The following TM4SF18 variants were observed in gnomAD, a reference collection of about 807,000 sequenced individuals.
The protein encoded by TM4SF18 is transmembrane 4 L6 family member 18.
TM4SF18 carries 22 observed loss-of-function variants against 23.8 expected under a neutral mutation model. The ratio of observed to expected loss-of-function variants is 0.92; its 90% CI spans 0.66 to 1.32. The LOEUF is 1.32. TM4SF18 is among the 40% of genes most tolerant of loss of function. The pLI, the probability that TM4SF18 is intolerant of heterozygous loss-of-function variation, is 0.00. For missense variants in TM4SF18, 255 were observed against 240.3 expected, an observed-to-expected ratio of 1.06 and a Z score of -0.41; for synonymous variants, 87 against 87.9, an observed-to-expected ratio of 0.99 and a Z score of 0.06.
intron 4 of TM4SF18, among the ~76,000 whole-genome samples, chr3:149,323,088 CGG>C (rs754295105): frequency 2.0e-5 from 3 of 151,894 alleles, no homozygotes; most frequent in Non-Finnish European, 2.9e-5. Flanking sequence ...TTAGTAGAGA[CGG>C]GGTTTCACCG....
chr3:149,322,905 C>CTTTTTTTTTTTTTTTTTTTTT lies in TM4SF18; in HGVS notation c.411-470_411-469insAAAAAAAAAAAAAAAAAAAAA, dbSNP rs34338382. Among the ~76,000 whole-genome samples, 336 of 128,744 alleles carry CTTTTTTTTTTTTTTTTTTTTT rather than the reference C, an allele frequency of 2.6e-3. 16 individuals are homozygous for CTTTTTTTTTTTTTTTTTTTTT. Among genetic ancestry groups the CTTTTTTTTTTTTTTTTTTTTT allele is most frequent in the Middle Eastern group, 4.2e-3 (1 of 236 alleles). The allele number at this position is 128,744 out of a possible 152,430, so 84.5% of individuals were successfully genotyped here. On this transcript the variant is annotated intron_variant, in intron 4 of 5. Coordinates refer to ENST00000296059, the MANE Select transcript of TM4SF18 (RefSeq NM_138786.4). ...GAACTTTACCCCTCTGGCCTCCAGA[C>CTTTTTTTTTTTTTTTTTTTTT]TTTTTTTTTTTTTTTTGAGACGGAG...
At position 149,333,360 on chromosome 3, in the gene TM4SF18, C is replaced by G. The variant is rs1731132985; in HGVS notation, c.23G>C (p.Gly8Ala). The change falls in exon 2 of 6, where the codon GGC becomes GCC. Residue 8 changes from glycine (G) to alanine (A), a missense_variant. Physicochemically the swap from Gly to Ala is moderately conservative, Grantham distance 60. Transcript: ENST00000296059. ...CGGAATCAGCAAACAACTTAGGCAG[C>G]CTCCACACTTCCGAGACCCCATTTT... MGSRKCG[G>A]CLSCLLIPLA... 1 of 1,612,542 alleles carries G rather than the reference C, an allele frequency of 6.2e-7. No individual in the cohort carries two copies. The highest frequency in any genetic ancestry group is 1.1e-5 in the South Asian group (1 of 90,720).
chr3:149,325,146 G>T, intron 3 of TM4SF18, 124 bp from the exon 4 acceptor site: 1 of 777,294 alleles, frequency 1.3e-6, no homozygotes, highest in Non-Finnish European at 1.9e-6. Context: ...AATACTAAAT[G>T]CCCACATAGA....
rs890314549 is a variant in TM4SF18 at position 149,321,420 on chromosome 3, T to A, written c.*58A>T. The A allele has an allele frequency of 4.6e-6, 6 of 1,313,502 alleles. No individual in the cohort carries two copies. Among genetic ancestry groups the A allele is most frequent in the Non-Finnish European group, 6.4e-6 (6 of 941,914 alleles). 81.4% of individuals were successfully genotyped at this position (1,313,502 alleles called of 1,614,324 possible). On this transcript the variant is annotated 3_prime_UTR_variant, in exon 6 of 6. Transcript: ENST00000296059. ...AATATTGCCCTCAAGTCTACACAGT[T>A]GATATAATATTTAGATAGATGGCCA... is the stretch of plus-strand genomic sequence containing the variant.
At chr3:149,329,998 A>C (rs1820934) in intron 3 of TM4SF18, 106,388 of 169,750 alleles carry the variant, frequency 0.63, 33,746 homozygotes, top group Admixed American at 0.69. Flanking sequence ...ATATTGCATA[A>C]TTTTAATGGA....
intron 4 of TM4SF18, among the ~76,000 whole-genome samples, chr3:149,323,372 C>T (rs1216703536): frequency 6.6e-6 from 1 of 152,210 alleles, no homozygotes; most frequent in East Asian, 1.9e-4. Flanking sequence ...CTATCTCCAT[C>T]TCAGCTGCCA....
rs1175688583 is a variant in TM4SF18 at position 149,320,329 on chromosome 3, ATAT to A, written c.*1146_*1148del. 2 of 152,262 alleles carry A rather than the reference ATAT, an allele frequency of 1.3e-5. No individual in the cohort carries two copies. Among genetic ancestry groups the A allele is most frequent in the Non-Finnish European group, 2.9e-5 (2 of 68,056 alleles). The allele number at this position is 152,262 out of a possible 1,614,324, so 9.4% of individuals were successfully genotyped here. ...CTGGGTCCTATGCATGGTGGGAAAT[ATAT>A]AAGATGTGGCTACTGTCCCCGAGGA... On this transcript the variant is annotated 3_prime_UTR_variant, in exon 6 of 6. Coordinates refer to ENST00000296059, the MANE Select transcript of TM4SF18 (RefSeq NM_138786.4).
chr3:149,321,552 C>T (rs556008956), intron 5 of TM4SF18, 60 bp from the exon 6 acceptor site: 1 of 1,172,426 alleles, frequency 8.5e-7, no homozygotes, highest in East Asian at 2.4e-5. Flanking sequence ...GATTAGTAAT[C>T]CGTAATCCAG....
chr3:149,325,102 T>G, intron 3 of TM4SF18, 80 bp from the exon 4 acceptor site: 2 of 1,418,504 alleles, frequency 1.4e-6, no homozygotes, highest in Non-Finnish European at 9.7e-7. Flanking sequence ...GATAGCTACA[T>G]TCCCCTATTC....
At chr3:149,323,201 C>A (rs1730856018) in intron 4 of TM4SF18, among the ~76,000 whole-genome samples, 1 of 152,124 alleles carries the variant, frequency 6.6e-6, no homozygotes, top group African/African-American at 2.4e-5. Flanking sequence ...CCTGGCCCTC[C>A]AGACTCTTAT....
At chr3:149,330,083 G>A (rs1218067725) in intron 3 of TM4SF18, 1 of 285,220 alleles carries the variant, frequency 3.5e-6, no homozygotes, top group Non-Finnish European at 6.5e-6. Flanking sequence ...ACTTAGTTAG[G>A]AAAAAAAAGT....
At chr3:149,333,164 A>G (rs1731122879) in intron 2 of TM4SF18, 42 bp downstream of exon 2, 4 of 1,542,788 alleles carry the variant, frequency 2.6e-6, no homozygotes, top group South Asian at 2.4e-5. Context: ...AGTCTCAATT[A>G]CAACTCCCCC....
In TM4SF18 at chr3:149,321,186, A is replaced by G. The variant is rs76335061; in HGVS notation, c.*292T>C. 26,365 of 268,890 alleles carry G rather than the reference A, an allele frequency of 0.098. 1,457 individuals are homozygous for G. The highest frequency in any genetic ancestry group is 0.15 in the Middle Eastern group (132 of 898). 16.7% of individuals were successfully genotyped at this position (268,890 alleles called of 1,614,324 possible). On this transcript the variant is annotated 3_prime_UTR_variant, in exon 6 of 6. Transcript: ENST00000296059. The stretch of plus-strand genomic sequence containing the variant: ...ATAATGTTGCAATATACATATTTGC[A>G]TAAAGGTTTCTCTCATATTCTTATT...
intron 1 of TM4SF18, 32 bp from the exon 2 acceptor site, chr3:149,333,431 G>A (rs772239898): frequency 1.4e-5 from 18 of 1,290,616 alleles, no homozygotes; most frequent in Non-Finnish European, 1.7e-5. Flanking sequence ...TACAGTCACA[G>A]AAAGTCTATT....
At chr3:149,327,175 C>T (rs1244205996) in intron 3 of TM4SF18, among the ~76,000 whole-genome samples, 1 of 152,194 alleles carries the variant, frequency 6.6e-6, no homozygotes, top group East Asian at 1.9e-4. Context: ...CTCTCAAACT[C>T]CTGACCTCAG....
At chr3:149,327,307 C>CA (rs1372904483) in intron 3 of TM4SF18, among the ~76,000 whole-genome samples, 1 of 152,020 alleles carries the variant, frequency 6.6e-6, no homozygotes, top group Admixed American at 6.5e-5. Flanking sequence ...GTGATATGCC[C>CA]AAAATGTGCT....
At chr3:149,328,912 A>T (rs1032821217) in intron 3 of TM4SF18, among the ~76,000 whole-genome samples, 17 of 152,314 alleles carry the variant, frequency 1.1e-4, no homozygotes, top group African/African-American at 4.1e-4. Context: ...AATGCTGATT[A>T]TAAGACCCTT....
rs1189738095 is a variant in TM4SF18 at position 149,333,304 on chromosome 3, A to G, written c.79T>C (p.Leu27=). The G allele has an allele frequency of 8.7e-6, 14 of 1,613,766 alleles. No individual in the cohort carries two copies. The African/African-American group carries it at 9.3e-5, about 11-fold the overall frequency. The part of the protein sequence containing the change: ...LALWSIIVNI[L]LYFPNGQTSY... ...GTTTGCCCATTCGGGAAATACAATA[A>G]TATGTTCACGATTATACTCCAAAGT... Residue 27 remains leucine, a synonymous_variant, in exon 2 of 6, where the codon TTA becomes CTA. Transcript: ENST00000296059.
chr3:149,327,607 A>T (rs1211627064), intron 3 of TM4SF18, among the ~76,000 whole-genome samples: 1 of 152,214 alleles, frequency 6.6e-6, no homozygotes, highest in African/African-American at 2.4e-5. Context: ...CAGAATAGTA[A>T]CATGCAGTAA....
Sources: allele counts gnomAD v4.1 joint callset (sites outside exome capture counted in the v4.1 genomes callset), GRCh38; gene constraint gnomAD v4.1.1; transcripts MANE v1.5; gene names NCBI Gene and HGNC (gene_info 2026-07-23, HGNC 2026-07-21).